DPP10: variants seen among roughly 807,000 people sequenced by gnomAD.
DPP10 encodes dipeptidyl peptidase like 10.
DPP10 carries 33 observed loss-of-function variants against 120.9 expected under a neutral mutation model. The ratio of observed to expected loss-of-function variants is 0.27; its 90% CI spans 0.21 to 0.37. DPP10 has a LOEUF of 0.37. Among genes scored for constraint, DPP10 ranks in the 10% least tolerant of loss-of-function variants. DPP10 has a pLI of 1.00. For synonymous variants in DPP10, 337 were observed against 326.1 expected, an observed-to-expected ratio of 1.03 and a Z score of -0.36; for missense variants, 816 against 942.8, an observed-to-expected ratio of 0.87 and a Z score of 1.76.
chr2:114,750,280 G>T (rs192075392), intron 1 of DPP10, among the ~76,000 whole-genome samples: 139 of 151,796 alleles, frequency 9.2e-4, no homozygotes, highest in African/African-American at 3.3e-3. Flanking sequence ...TAAAAAACTG[G>T]TCTCACCCCA....
rs138321576 is a variant in DPP10, at chr2:115,536,387, A to T, written c.441+10415A>T. Among the ~76,000 whole-genome samples, 474 of 152,150 alleles carry T rather than the reference A, an allele frequency of 3.1e-3. 3 individuals are homozygous for T. The highest frequency in any genetic ancestry group is 0.011 in the African/African-American group (450 of 41,552). On this transcript the variant is annotated intron_variant, in intron 5 of 25. Coordinates refer to ENST00000410059, the MANE Select transcript of DPP10 (RefSeq NM_020868.6). ...TTTTCATGTGGTGATATCATAATTT[A>T]TTCAACTCAATATCTTTAATATTTA...
intron 1 of DPP10, among the ~76,000 whole-genome samples, chr2:114,596,848 T>C (rs761855937): frequency 6.6e-6 from 1 of 152,050 alleles, no homozygotes; most frequent in Non-Finnish European, 1.5e-5. Context: ...GTTGTTACAT[T>C]ATCCTTCTCT....
intron 4 of DPP10, among the ~76,000 whole-genome samples, chr2:115,510,970 T>C (rs1321600821): frequency 6.6e-6 from 1 of 152,262 alleles, no homozygotes; most frequent in East Asian, 1.9e-4. Context: ...TGTAATGATT[T>C]TTGTGTGTTG....
At chr2:115,266,597 A>T (rs2059471815) in intron 1 of DPP10, among the ~76,000 whole-genome samples, 2 of 152,200 alleles carry the variant, frequency 1.3e-5, no homozygotes, top group Admixed American at 1.3e-4. Context: ...CATTATTCCA[A>T]GCATCCAATG....
At chr2:114,629,491 T>C (rs144577601) in intron 1 of DPP10, among the ~76,000 whole-genome samples, 17 of 152,282 alleles carry the variant, frequency 1.1e-4, no homozygotes, top group Admixed American at 3.3e-4. Context: ...TAACGGGTAA[T>C]GTATAAGAAA....
chr2:115,127,927 A>G (rs573335522), intron 1 of DPP10, among the ~76,000 whole-genome samples: 1 of 152,242 alleles, frequency 6.6e-6, no homozygotes, highest in East Asian at 1.9e-4. Context: ...CAGTTATTTT[A>G]ACTTTCTTTT....
intron 3 of DPP10, among the ~76,000 whole-genome samples, chr2:115,493,831 T>A (rs67641280): frequency 0.28 from 42,427 of 152,034 alleles, 6,654 homozygotes; most frequent in East Asian, 0.41. Context: ...AGAGAATAGC[T>A]TGTATGGCTG....
chr2:115,754,780 A>G (rs1679190289), intron 11 of DPP10, among the ~76,000 whole-genome samples: 1 of 152,172 alleles, frequency 6.6e-6, no homozygotes, highest in Non-Finnish European at 1.5e-5. Flanking sequence ...AAGGATAGTA[A>G]TATTGGAATT....
chr2:114,594,259 G>A (rs1285593337), intron 1 of DPP10, among the ~76,000 whole-genome samples: 2 of 151,876 alleles, frequency 1.3e-5, no homozygotes, highest in Non-Finnish European at 2.9e-5. Context: ...CAGACTCCAA[G>A]TTTTTCAGTT....
chr2:115,428,976 G>A (rs982794403), intron 3 of DPP10, among the ~76,000 whole-genome samples: 14 of 151,880 alleles, frequency 9.2e-5, no homozygotes, highest in East Asian at 5.8e-4. Flanking sequence ...TGAGATTTGG[G>A]CAGCAACAAA....
At chr2:115,350,731 A>G (rs1439721498) in intron 3 of DPP10, among the ~76,000 whole-genome samples, 1 of 152,112 alleles carries the variant, frequency 6.6e-6, no homozygotes, top group African/African-American at 2.4e-5. Context: ...TTCCCAATAG[A>G]TTGAGACATA....
At position 114,647,149 on chromosome 2, in the gene DPP10, C is replaced by T. The variant is rs150941702; in HGVS notation, c.60+204311C>T. On this transcript the variant is annotated intron_variant, in intron 1 of 25. Coordinates refer to ENST00000410059, the MANE Select transcript of DPP10 (RefSeq NM_020868.6). ...CAAGCTGAACACGTTTCCAAATTAG[C>T]GAGAGCAGCTCTGAATAAGAAGAAA... 1.6e-3 allele frequency among the ~76,000 whole-genome samples: 237 copies of T among 152,256 alleles called. 1 individual carries two copies. Among genetic ancestry groups the T allele is most frequent in the African/African-American group, 4.3e-3 (180 of 41,552 alleles).
At chr2:115,095,220 ATG>A (rs1709614810) in intron 1 of DPP10, among the ~76,000 whole-genome samples, 1 of 152,210 alleles carries the variant, frequency 6.6e-6, no homozygotes, top group Non-Finnish European at 1.5e-5. Flanking sequence ...CAAGTGGAAA[ATG>A]TGGATAAAAG....
At chr2:114,996,980 C>CAAAA (rs34287029) in intron 1 of DPP10, among the ~76,000 whole-genome samples, 23 of 66,448 alleles carry the variant, frequency 3.5e-4, no homozygotes, top group Admixed American at 7.4e-4. Flanking sequence ...GACTCCATCT[C>CAAAA]AAAAAAAAAA....
At chr2:115,000,703 A>G (rs1028532651) in intron 1 of DPP10, among the ~76,000 whole-genome samples, 3 of 152,174 alleles carry the variant, frequency 2.0e-5, no homozygotes, top group African/African-American at 7.2e-5. Flanking sequence ...CAATAGCGCT[A>G]TAAAACAGTA....
intron 1 of DPP10, among the ~76,000 whole-genome samples, chr2:114,909,960 G>T (rs948571488): frequency 6.6e-6 from 1 of 151,576 alleles, no homozygotes; most frequent in Non-Finnish European, 1.5e-5. Context: ...CATATACTAG[G>T]TCCTAGAATC....
intron 1 of DPP10, among the ~76,000 whole-genome samples, chr2:115,097,766 C>T (rs1305547417): frequency 6.6e-6 from 1 of 152,168 alleles, no homozygotes; most frequent in African/African-American, 2.4e-5. Context: ...AAAGCTTATT[C>T]TGCCACCTAG....
intron 1 of DPP10, among the ~76,000 whole-genome samples, chr2:114,718,086 C>CA (rs200232528): frequency 0.012 from 1,657 of 142,356 alleles, 20 homozygotes; most frequent in African/African-American, 0.036. Flanking sequence ...AAAATAATAA[C>CA]AAAAAAAAAA....
chr2:115,745,373 C>G (rs1160045108), intron 9 of DPP10, among the ~76,000 whole-genome samples: 1 of 150,414 alleles, frequency 6.6e-6, no homozygotes, highest in Non-Finnish European at 1.5e-5. Context: ...AACTACTATG[C>G]CTGCTAGTTA....
Sources: allele counts gnomAD v4.1 joint callset (sites outside exome capture counted in the v4.1 genomes callset), GRCh38; gene constraint gnomAD v4.1.1; transcripts MANE v1.5; gene names NCBI Gene and HGNC (gene_info 2026-07-23, HGNC 2026-07-21).